TRIM25: variants seen among roughly 807,000 people sequenced by gnomAD.
TRIM25 encodes tripartite motif containing 25.
TRIM25 carries 45 observed loss-of-function variants against 65.2 expected under a neutral mutation model. The ratio of observed to expected loss-of-function variants is 0.69; its 90% CI spans 0.54 to 0.89. TRIM25 has a LOEUF of 0.89. TRIM25 is among the 40% of genes least tolerant of loss of function. TRIM25 has a pLI of 0.00. For synonymous variants in TRIM25, 321 were observed against 340.4 expected (o/e 0.94, Z 0.63); for missense variants, 714 against 803.7 (o/e 0.89, Z 1.35).
At chr17:56,899,291 C>T in intron 4 of TRIM25, 111 bp from the exon 5 acceptor site, 1 of 1,028,320 alleles carries the variant, frequency 9.7e-7, no homozygotes, top group Non-Finnish European at 1.5e-6. Flanking sequence ...CAGCCATTTC[C>T]TCCGACCTTC....
In TRIM25 at chr17:56,895,342, C is replaced by T. The variant is rs1213907370; in HGVS notation, c.1363+1G>A. Reference sequence around the variant, plus strand: ...CGCGCACCAGCCCCGAAGCTACTCACACTCCAGGAGCTCAGGTCTGGACTT... The same window carrying T: ...CGCGCACCAGCCCCGAAGCTACTCATACTCCAGGAGCTCAGGTCTGGACTT... On this transcript the variant is annotated splice_donor_variant, in intron 8 of 8. Transcript: ENST00000316881. LOFTEE classifies it high-confidence loss of function. 1 of 1,613,432 alleles carries T rather than the reference C, an allele frequency of 6.2e-7. No homozygotes were observed. The highest frequency in any genetic ancestry group is 8.5e-7 in the Non-Finnish European group (1 of 1,179,474).
At chr17:56,904,200 T>C (rs1233733619) in intron 3 of TRIM25, 55 bp downstream of exon 3, 5 of 1,477,398 alleles carry the variant, frequency 3.4e-6, no homozygotes, top group Non-Finnish European at 3.7e-6. Context: ...ATCAACAGCA[T>C]GACATCAGGC....
intron 1 of TRIM25, among the ~76,000 whole-genome samples, chr17:56,910,291 C>T (rs1300355917): frequency 6.6e-6 from 1 of 152,196 alleles, no homozygotes; most frequent in Admixed American, 6.5e-5. Flanking sequence ...TTGAACAACC[C>T]AGTGACAGTC....
chr17:56,899,080 G>A (rs1420315270), intron 5 of TRIM25, 35 bp downstream of exon 5: 3 of 1,612,698 alleles, frequency 1.9e-6, no homozygotes, highest in South Asian at 2.2e-5. Context: ...CCACAGCCAT[G>A]CTGTTGCCAT....
Position 56,891,457 on chromosome 17 carries a change from TG to T in TRIM25, c.*242del. The stretch of plus-strand genomic sequence containing the variant: ...AGCAGCCTGGAGATTTCCAGAACAA[TG>T]GGGAGTAGGTCACCCTGCCCTGATA... On this transcript the variant is annotated 3_prime_UTR_variant, in exon 9 of 9. Coordinates refer to ENST00000316881, the MANE Select transcript of TRIM25 (RefSeq NM_005082.5). The T allele has an allele frequency of 1.9e-6, 1 of 534,128 alleles. No individual in the cohort carries two copies. The highest frequency in any genetic ancestry group is 3.3e-6 in the Non-Finnish European group (1 of 299,612). The allele number at this position is 534,128 out of a possible 1,614,324, so 33.1% of individuals were successfully genotyped here. A position where few individuals can be genotyped will look rare whatever the true frequency, so the allele number is the denominator to read the frequency against.
intron 4 of TRIM25, 51 bp downstream of exon 4, chr17:56,901,368 A>T (rs1393508145): frequency 6.4e-7 from 1 of 1,573,340 alleles, no homozygotes; most frequent in East Asian, 2.3e-5. Flanking sequence ...TAGGGGACCC[A>T]TCGGGTTGCA....
rs113860333 is a variant in TRIM25, at chr17:56,901,358, T to G, written c.1087+61A>C. On this transcript the variant is annotated intron_variant, in intron 4 of 8. Coordinates refer to ENST00000316881, the MANE Select transcript of TRIM25 (RefSeq NM_005082.5). The stretch of plus-strand genomic sequence containing the variant: ...CCCCAATCTCCCATCCCAAAACATT[T>G]AGGGGACCCATCGGGTTGCAGGGTT... 1.7e-3 allele frequency: 2,633 copies of G among 1,558,450 alleles called. 44 individuals carry two copies. In the African/African-American group the frequency reaches 0.031, roughly 19 times the overall value.
chr17:56,902,405 C>T (rs1056151165), intron 3 of TRIM25, among the ~76,000 whole-genome samples: 3 of 152,164 alleles, frequency 2.0e-5, no homozygotes, highest in African/African-American at 7.2e-5. Flanking sequence ...GATGGGCTTA[C>T]AGTCAAAACA....
chr17:56,904,566 G>T, intron 2 of TRIM25, 78 bp from the exon 3 acceptor site: 1 of 1,338,506 alleles, frequency 7.5e-7, no homozygotes, highest in Non-Finnish European at 1.1e-6. Flanking sequence ...TGGGTGAGAT[G>T]TGGAGTTCCA....
In TRIM25 at chr17:56,913,204, T is replaced by C; in HGVS notation, c.597+188A>G. 2.2e-6 allele frequency: 1 copy of C among 461,864 alleles called. No individual in the cohort carries two copies. The highest frequency in any genetic ancestry group is 3.7e-6 in the Non-Finnish European group (1 of 267,808). 28.6% of individuals were successfully genotyped at this position (461,864 alleles called of 1,614,324 possible). A position where few individuals can be genotyped will look rare whatever the true frequency, so the allele number is the denominator to read the frequency against. On this transcript the variant is annotated intron_variant, in intron 1 of 8. Transcript: ENST00000316881. This position sits in a 1 kb window ranked among gnomAD's most constrained non-coding sequence, Gnocchi z 6.1. ...TTATGGCAAGCAACCTAACCTGTCT[T>C]CATGGATGATGGGAAGGGACTATAT...
intron 6 of TRIM25, 148 bp downstream of exon 6, chr17:56,895,778 C>T (rs562635877): frequency 8.1e-7 from 1 of 1,227,238 alleles, no homozygotes; most frequent in Non-Finnish European, 1.1e-6. Flanking sequence ...TCCTCCCCTC[C>T]AGCCTCAGGC....
At chr17:56,911,353 G>A (rs988824510) in intron 1 of TRIM25, among the ~76,000 whole-genome samples, 19 of 151,930 alleles carry the variant, frequency 1.3e-4, no homozygotes, top group African/African-American at 2.7e-4. Context: ...AGGCCGAGGC[G>A]GGTGGATCAC....
At position 56,891,585 on chromosome 17, in the gene TRIM25, T is replaced by C. The variant is rs539914783; in HGVS notation, c.*115A>G. 7 of 417,962 alleles carry C rather than the reference T, an allele frequency of 1.7e-5. No homozygotes were observed. Among genetic ancestry groups the C allele is most frequent in the African/African-American group, 1.3e-4 (6 of 45,500 alleles). The allele number at this position is 417,962 out of a possible 1,614,324, so 25.9% of individuals were successfully genotyped here. ...CACCCTCCCGCCAGCTCCCCTCCCA[T>C]GCTCCCAATCCTTGGGACCTCTTGG... On this transcript the variant is annotated 3_prime_UTR_variant, in exon 9 of 9. Coordinates refer to ENST00000316881, the MANE Select transcript of TRIM25 (RefSeq NM_005082.5).
Position 56,904,170 on chromosome 17 carries a change from C to G in TRIM25, c.927+85G>C, listed in dbSNP as rs181979082. The G allele has an allele frequency of 4.5e-5, 53 of 1,186,114 alleles. No individual in the cohort carries two copies. In the Middle Eastern group the frequency reaches 1.2e-3, roughly 26 times the overall value. The allele number at this position is 1,186,114 out of a possible 1,614,324, so 73.5% of individuals were successfully genotyped here. A position where few individuals can be genotyped will look rare whatever the true frequency, so the allele number is the denominator to read the frequency against. On this transcript the variant is annotated intron_variant, in intron 3 of 8. Transcript: ENST00000316881. ...CTTCCAGTGACCTCTTCCAGTCTCCCGCTCCTTGAGGGCCCTATCATCAAC... is the reference window on the plus strand; with the variant it reads ...CTTCCAGTGACCTCTTCCAGTCTCCGGCTCCTTGAGGGCCCTATCATCAAC...
chr17:56,901,068 C>A (rs1909400048), intron 4 of TRIM25, among the ~76,000 whole-genome samples: 1 of 152,084 alleles, frequency 6.6e-6, no homozygotes, highest in Non-Finnish European at 1.5e-5. Flanking sequence ...AAGAGGAATT[C>A]TAGATTTCTC....
Position 56,895,569 on chromosome 17 carries a change from A to G in TRIM25, c.1216T>C (p.Phe406Leu). The G allele has an allele frequency of 1.9e-6, 3 of 1,580,632 alleles. No homozygotes were observed. The highest frequency in any genetic ancestry group is 2.6e-6 in the Non-Finnish European group (3 of 1,161,226). The change falls in exon 7 of 9, where the codon TTT becomes CTT. Residue 406 changes from phenylalanine (F) to leucine (L), a missense_variant. Phe to Leu is a conservative substitution (Grantham distance 22). Coordinates refer to ENST00000316881, the MANE Select transcript of TRIM25 (RefSeq NM_005082.5). ...TCCACTAACTGTTCCGGGGCTCCAAACGTGGGAAGCTTGCTGGGTAAGGCA... is the reference window on the plus strand; with the variant it reads ...TCCACTAACTGTTCCGGGGCTCCAAGCGTGGGAAGCTTGCTGGGTAAGGCA... ...VPALPSKLPT[F>L]GAPEQLVDLK...
Position 56,913,753 on chromosome 17 carries a change from G to A in TRIM25, c.236C>T (p.Ala79Val). The A allele has an allele frequency of 1.3e-6, 2 of 1,548,598 alleles. No individual in the cohort carries two copies. The highest frequency in any genetic ancestry group is 1.7e-6 in the Non-Finnish European group (2 of 1,146,174). ...GGCGGGTGGCTCCCGGGCCAGGTCG[G>A]CCTGCAGGAACTGCTCCACCACGTT... Reference protein sequence around the residue: ...LCNVVEQFLQADLAREPPADV... With the variant: ...LCNVVEQFLQVDLAREPPADV... Residue 79 changes from alanine to valine, a missense_variant, in exon 1 of 9, where the codon GCC becomes GTC. Ala to Val is a moderately conservative substitution (Grantham distance 64, BLOSUM62 0). This residue lies in a region of TRIM25 where 291 missense variants were observed against 281.8 expected (regional missense o/e 1.03). Transcript: ENST00000316881. The surrounding 1 kb of genome is among the most constrained non-coding windows in gnomAD (Gnocchi z 6.1).
At chr17:56,908,408 C>A in intron 2 of TRIM25, 60 bp downstream of exon 2, 1 of 1,529,924 alleles carries the variant, frequency 6.5e-7, no homozygotes, top group Non-Finnish European at 9.0e-7. Context: ...ACGCCCATCC[C>A]GCGTGGAAGC....
In TRIM25 at chr17:56,904,323, C is replaced by T; in HGVS notation, c.859G>A (p.Glu287Lys). The T allele has an allele frequency of 6.2e-7, 1 of 1,614,042 alleles. No individual in the cohort carries two copies. The highest frequency in any genetic ancestry group is 8.5e-7 in the Non-Finnish European group (1 of 1,180,020). Reference protein sequence around the residue: ...IYQILLKKKSEIQTLKEEIEQ... With the variant: ...IYQILLKKKSKIQTLKEEIEQ... ...ATCTCCTCCTTCAAGGTCTGGATCT[C>T]ACTCTTCTTCTTGAGGAGAATCTGA... The change falls in exon 3 of 9, where the codon GAG becomes AAG. Residue 287 changes from glutamate to lysine, a missense_variant. This residue lies in a region of TRIM25 where 413 missense variants were observed against 498.2 expected (regional missense o/e 0.83). Coordinates refer to ENST00000316881, the MANE Select transcript of TRIM25 (RefSeq NM_005082.5).
Sources: gnomAD v4.1 joint callset for allele counts (sites outside exome capture counted in the v4.1 genomes callset) on GRCh38, gnomAD v4.1.1 for gene constraint, gnomAD v4.1.1 regional missense constraint, Gnocchi (gnomAD v3.1) non-coding constraint, MANE v1.5 for transcripts, NCBI Gene and HGNC (gene_info 2026-07-23, HGNC 2026-07-21) for gene names.